The following FSTL5 variants were observed in gnomAD, a reference collection of about 807,000 sequenced individuals.
The protein encoded by FSTL5 is follistatin like 5, also known as follistatin-related protein 5.
A neutral mutation model predicts 89.1 loss-of-function variants in FSTL5; 62 were observed. The ratio of observed to expected loss-of-function variants is 0.70; its 90% CI spans 0.57 to 0.86. The LOEUF is 0.86. FSTL5 is among the 40% of genes least tolerant of loss of function. The probability of loss-of-function intolerance (pLI) is 0.00; values close to 1 mark genes in which losing one functional copy is unlikely to be tolerated. For synonymous variants in FSTL5, 383 were observed against 346.2 expected (o/e 1.11, Z -1.18); for missense variants, 1,057 against 1,001.6 (o/e 1.06, Z -0.75).
intron 1 of FSTL5, among the ~76,000 whole-genome samples, chr4:162,142,066 T>C (rs992494482): frequency 4.6e-5 from 7 of 152,190 alleles, no homozygotes; most frequent in African/African-American, 1.4e-4. Context: ...TCAGAAATTC[T>C]GCCTAACATC....
intron 4 of FSTL5, among the ~76,000 whole-genome samples, chr4:161,867,904 C>A (rs1341972069): frequency 1.3e-5 from 2 of 151,620 alleles, no homozygotes; most frequent in Non-Finnish European, 2.9e-5. Flanking sequence ...GGGTTTAATT[C>A]AATTAGGTCA....
At chr4:161,542,843 T>C (rs1731878444) in intron 8 of FSTL5, 150 bp from the exon 9 acceptor site, 2 of 430,972 alleles carry the variant, frequency 4.6e-6, no homozygotes, top group African/African-American at 4.1e-5. Context: ...AATAGCATTA[T>C]CCACTGAAAT....
rs375083958 is a variant in FSTL5 at position 161,466,872 on chromosome 4, T to C, written c.1609-7553A>G. On this transcript the variant is annotated intron_variant, in intron 13 of 15. Coordinates refer to ENST00000306100, the MANE Select transcript of FSTL5 (RefSeq NM_020116.5). ...ATGATCTCCTAATGCTAATAATTTA[T>C]TATAGTTTTTAAAATATTATATTGT... 1.8e-4 allele frequency among the ~76,000 whole-genome samples: 28 copies of C among 152,226 alleles called. No individual in the cohort carries two copies. In the East Asian group the frequency reaches 5.0e-3, roughly 27 times the overall value.
At chr4:161,471,368 A>G (rs1268966596) in intron 13 of FSTL5, among the ~76,000 whole-genome samples, 1 of 152,064 alleles carries the variant, frequency 6.6e-6, no homozygotes, top group Non-Finnish European at 1.5e-5. Flanking sequence ...ATCTGTTTTT[A>G]TATGTTGAAT....
chr4:162,122,974 G>A (rs1190785978), intron 1 of FSTL5, among the ~76,000 whole-genome samples: 2 of 152,046 alleles, frequency 1.3e-5, no homozygotes, highest in African/African-American at 4.8e-5. Context: ...ACCTTGATGA[G>A]CACTTAAAAT....
chr4:161,469,662 G>T (rs1733868835), intron 13 of FSTL5, among the ~76,000 whole-genome samples: 1 of 148,870 alleles, frequency 6.7e-6, no homozygotes, highest in Non-Finnish European at 1.5e-5. Context: ...TTTTGAAGCG[G>T]AGTCTCCCTC....
chr4:161,992,315 G>A (rs1469746506), intron 3 of FSTL5, among the ~76,000 whole-genome samples: 2 of 152,112 alleles, frequency 1.3e-5, no homozygotes, highest in Non-Finnish European at 2.9e-5. Context: ...GGTAAAAGTA[G>A]CATGAACAAA....
rs533101965 is a variant in FSTL5 at position 162,023,591 on chromosome 4, C to T, written c.160+10034G>A. 9.9e-5 allele frequency among the ~76,000 whole-genome samples: 15 copies of T among 152,260 alleles called. No homozygotes were observed. The East Asian group carries it at 2.9e-3, about 29-fold the overall frequency. ...CATTTCCATACCCAATCCCTAGTTG[C>T]TCTTAGTTCTAGAATGAACTGACAC... On this transcript the variant is annotated intron_variant, in intron 3 of 15. Coordinates refer to ENST00000306100, the MANE Select transcript of FSTL5 (RefSeq NM_020116.5).
chr4:161,622,481 C>A (rs1242478747), intron 7 of FSTL5, among the ~76,000 whole-genome samples: 2 of 151,608 alleles, frequency 1.3e-5, no homozygotes, highest in African/African-American at 4.8e-5. Flanking sequence ...AGAAAAAAGT[C>A]ATTAATAAAA....
intron 5 of FSTL5, among the ~76,000 whole-genome samples, chr4:161,762,404 C>A (rs1011379833): frequency 5.3e-5 from 8 of 152,204 alleles, no homozygotes; most frequent in Non-Finnish European, 8.8e-5. Flanking sequence ...TAGTTCCTTG[C>A]ACTTCTTTCA....
At chr4:162,080,861 A>C (rs1293613774) in intron 2 of FSTL5, among the ~76,000 whole-genome samples, 1 of 151,656 alleles carries the variant, frequency 6.6e-6, no homozygotes, top group African/African-American at 2.4e-5. Context: ...GACAAATCCT[A>C]AATAAATGGA....
chr4:162,084,355 C>G (rs1447711342), intron 2 of FSTL5, among the ~76,000 whole-genome samples: 2 of 151,794 alleles, frequency 1.3e-5, no homozygotes, highest in Admixed American at 1.3e-4. Context: ...AAAATCACAA[C>G]TCATTTATAA....
Position 161,420,718 on chromosome 4 carries a change from T to C in FSTL5, c.1842-34269A>G, listed in dbSNP as rs371742320. On this transcript the variant is annotated intron_variant, in intron 15 of 15. Coordinates refer to ENST00000306100, the MANE Select transcript of FSTL5 (RefSeq NM_020116.5). ...ATTGAGGATATGAATACCATTCATA[T>C]TGAATATATTCAATACCATATATAT... 7.3e-5 allele frequency among the ~76,000 whole-genome samples: 11 copies of C among 151,200 alleles called. No homozygotes were observed. In the East Asian group the frequency reaches 1.6e-3, roughly 21 times the overall value.
chr4:161,981,787 A>G (rs939092013), intron 3 of FSTL5, among the ~76,000 whole-genome samples: 5 of 152,152 alleles, frequency 3.3e-5, no homozygotes, highest in Admixed American at 6.5e-5. Flanking sequence ...CCATTTTAGT[A>G]TTTATTCCAG....
intron 3 of FSTL5, among the ~76,000 whole-genome samples, chr4:161,980,304 G>GA (rs1425542247): frequency 6.6e-6 from 1 of 151,658 alleles, no homozygotes; most frequent in Admixed American, 6.6e-5. Context: ...AGAAAGAAAG[G>GA]AAAGAAGATA....
intron 4 of FSTL5, among the ~76,000 whole-genome samples, chr4:161,830,660 A>G (rs1445055632): frequency 6.6e-6 from 1 of 152,034 alleles, no homozygotes; most frequent in Admixed American, 6.6e-5. Context: ...AACAGAACAT[A>G]CAATTAAATA....
At chr4:161,726,227 C>CTTTTTTTTTTTTTTT (rs5863477) in intron 6 of FSTL5, among the ~76,000 whole-genome samples, 54 of 113,660 alleles carry the variant, frequency 4.8e-4, no homozygotes, top group African/African-American at 7.6e-4. Context: ...TTTTCTTTTT[C>CTTTTTTTTTTTTTTT]TTTTTTTTTT....
At position 161,708,470 on chromosome 4, in the gene FSTL5, A is replaced by C. The variant is rs77605387; in HGVS notation, c.727+50941T>G. Among the ~76,000 whole-genome samples, 1,072 of 152,192 alleles carry C rather than the reference A, an allele frequency of 7.0e-3. 13 individuals are homozygous for C. The highest frequency in any genetic ancestry group is 0.024 in the African/African-American group (1,013 of 41,564). On this transcript the variant is annotated intron_variant, in intron 6 of 15. Transcript: ENST00000306100. ...AATAAAAATCCCCAAAAACTTGAAC[A>C]AGTGTGAAACCTGCACTGTGAGTCA...
chr4:161,692,424 A>G (rs139065979), intron 6 of FSTL5, among the ~76,000 whole-genome samples: 5 of 151,624 alleles, frequency 3.3e-5, no homozygotes, highest in African/African-American at 7.3e-5. Flanking sequence ...TTTTACTTGT[A>G]TCGCCTTTTA....
Sources: allele counts gnomAD v4.1 joint callset (sites outside exome capture counted in the v4.1 genomes callset), GRCh38; gene constraint gnomAD v4.1.1; transcripts MANE v1.5; gene names NCBI Gene and HGNC (gene_info 2026-07-23, HGNC 2026-07-21).